The following LHFPL1 variants were observed in gnomAD, a reference collection of about 807,000 sequenced individuals.
LHFPL1 encodes LHFPL tetraspan subfamily member 1.
In LHFPL1, 4 loss-of-function variants were observed where a neutral mutation model predicts 12.1. The ratio of observed to expected loss-of-function variants is 0.33; its 90% CI spans 0.16 to 0.76. LHFPL1 has a LOEUF of 0.76. LHFPL1 is among the 30% of genes least tolerant of loss of function. LHFPL1 has a pLI of 0.61. For synonymous variants in LHFPL1, 52 were observed against 61.9 expected (o/e 0.84, Z 0.75); for missense variants, 141 against 174.1 (o/e 0.81, Z 1.07).
At chrX:112,652,672 T>C (rs1186395513) in intron 3 of LHFPL1, among the ~76,000 whole-genome samples, 3 of 111,847 alleles carry the variant, frequency 2.7e-5, no homozygotes, top group Non-Finnish European at 5.6e-5. Context: ...GGACATTCTA[T>C]GATTCTGTAT....
Position 112,671,089 on chromosome X carries a change from G to A in LHFPL1, c.302C>T (p.Ala101Val). The A allele has an allele frequency of 1.7e-6, 2 of 1,211,896 alleles. No individual in the cohort carries two copies. The highest frequency in any genetic ancestry group is 3.0e-5 in the East Asian group (1 of 33,855). Residue 101 changes from alanine (A) to valine (V), a missense_variant, in exon 2 of 4, where the codon GCT (alanine) becomes GTT (valine). Transcript: ENST00000371968. Reference sequence around the variant, plus strand: ...CTCCATGCAGCAACCCAGGACAGCAGCTAGTGCCACCAGGAGCAGCAGAGC... The same window carrying A: ...CTCCATGCAGCAACCCAGGACAGCAACTAGTGCCACCAGGAGCAGCAGAGC... ...GCALLLLVAL[A>V]AVLGCCMEEL... is the part of the protein sequence containing the mutation.
Position 112,631,540 on chromosome X carries a change from C to A in LHFPL1, c.543G>T (p.Leu181Phe), listed in dbSNP as rs998603267. The A allele has an allele frequency of 8.3e-7, 1 of 1,210,350 alleles. No individual in the cohort carries two copies. ...CAGGGAAAAM[L>F]ICTWLSCFAG... is the part of the protein sequence containing the mutation. Reference sequence around the variant, plus strand: ...CAAAGCAAGAGAGCCAGGTGCAGATCAACATGGCTGCAGCTGCTCCACCTC... The same window carrying A: ...CAAAGCAAGAGAGCCAGGTGCAGATAAACATGGCTGCAGCTGCTCCACCTC... Residue 181 changes from leucine (L) to phenylalanine (F), a missense_variant, in exon 4 of 4, where the codon TTG becomes TTT. Physicochemically the swap from Leu to Phe is conservative, Grantham distance 22. Coordinates refer to ENST00000371968, the MANE Select transcript of LHFPL1 (RefSeq NM_178175.4).
intron 3 of LHFPL1, among the ~76,000 whole-genome samples, chrX:112,650,859 G>T (rs1157942126): frequency 8.9e-6 from 1 of 112,178 alleles, no homozygotes; most frequent in Non-Finnish European, 1.9e-5. Flanking sequence ...TCAACAACAT[G>T]TGACTAGGAA....
chrX:112,673,195 G>A (rs990275976), intron 1 of LHFPL1, among the ~76,000 whole-genome samples: 1 of 111,663 alleles, frequency 9.0e-6, no homozygotes, highest in Admixed American at 9.5e-5. Context: ...TGATACATAT[G>A]TATTTTGTGC....
At chrX:112,643,378 CAAAAAAA>C (rs1164744066) in intron 3 of LHFPL1, among the ~76,000 whole-genome samples, 21 of 38,940 alleles carry the variant, frequency 5.4e-4, no homozygotes, top group African/African-American at 1.6e-3. Context: ...GACTCCGTCT[CAAAAAAA>C]AAAAAAAAAA....
At chrX:112,665,379 C>T (rs770193392) in intron 2 of LHFPL1, among the ~76,000 whole-genome samples, 9 of 110,924 alleles carry the variant, frequency 8.1e-5, no homozygotes, top group Non-Finnish European at 1.7e-4. Flanking sequence ...TTAGTAGAGA[C>T]GGGGTTTCAC....
chrX:112,671,459 T>C (rs747240801), intron 1 of LHFPL1, 55 bp from the exon 2 acceptor site: 6 of 1,203,355 alleles, frequency 5.0e-6, no homozygotes, highest in Non-Finnish European at 6.7e-6. Flanking sequence ...TAAGTTACCA[T>C]GTAGGCTCCA....
intron 1 of LHFPL1, among the ~76,000 whole-genome samples, chrX:112,673,149 T>C (rs1704171692): frequency 8.9e-6 from 1 of 111,867 alleles, no homozygotes; most frequent in Non-Finnish European, 1.9e-5. Context: ...ATTCTTAATA[T>C]AATGCTCTTT....
chrX:112,647,415 C>T (rs1391537082), intron 3 of LHFPL1, among the ~76,000 whole-genome samples: 2 of 109,585 alleles, frequency 1.8e-5, no homozygotes, highest in African/African-American at 3.3e-5. Context: ...AAAATTTTTG[C>T]AATCTATCCA....
intron 3 of LHFPL1, among the ~76,000 whole-genome samples, chrX:112,644,009 A>G (rs5929196): frequency 8.9e-6 from 1 of 111,887 alleles, no homozygotes; most frequent in Non-Finnish European, 1.9e-5. Flanking sequence ...TGATTCCCCC[A>G]CTGCCTGCTC....
chrX:112,651,793 C>A (rs1242443605), intron 3 of LHFPL1, among the ~76,000 whole-genome samples: 1 of 112,330 alleles, frequency 8.9e-6, no homozygotes, highest in African/African-American at 3.2e-5. Context: ...CATAGCCATT[C>A]TCTACAACAC....
intron 1 of LHFPL1, among the ~76,000 whole-genome samples, chrX:112,672,622 G>C (rs891981917): frequency 9.0e-6 from 1 of 110,809 alleles, no homozygotes; most frequent in Non-Finnish European, 1.9e-5. Context: ...GAAGGAGGTT[G>C]GGGGACCCAA....
rs775819980 is a variant in LHFPL1, at chrX:112,671,144, T to C, written c.247A>G (p.Met83Val). 1.6e-6 allele frequency: 2 copies of C among 1,212,220 alleles called. No individual in the cohort carries two copies. Among genetic ancestry groups the C allele is most frequent in the Non-Finnish European group, 2.2e-6 (2 of 895,575 alleles). The change falls in exon 2 of 4, where the codon ATG becomes GTG. Residue 83 changes from methionine (M) to valine (V), a missense_variant. By Grantham distance (21) the Met-to-Val change is conservative. Transcript: ENST00000371968. The part of the protein sequence containing the change: ...FNAIPSLAWQ[M>V]CTVVTGAGCA... Reference sequence around the variant, plus strand: ...CCGGCACCTGTCACCACTGTGCACATCTGCCAGGCCAGGCTTGGGATGGCA... The same window carrying C: ...CCGGCACCTGTCACCACTGTGCACACCTGCCAGGCCAGGCTTGGGATGGCA...
intron 3 of LHFPL1, among the ~76,000 whole-genome samples, chrX:112,632,628 G>A (rs1930222482): frequency 8.9e-6 from 1 of 111,806 alleles, no homozygotes; most frequent in African/African-American, 3.3e-5. Context: ...CCTGACTACA[G>A]TCAGTGGAGG....
chrX:112,656,240 T>C (rs1175711765), intron 3 of LHFPL1, among the ~76,000 whole-genome samples: 2 of 111,642 alleles, frequency 1.8e-5, no homozygotes, highest in Admixed American at 9.5e-5. Context: ...TGCATCATAT[T>C]GAAAGGATAA....
At chrX:112,640,813 C>CTG (rs10529066) in intron 3 of LHFPL1, among the ~76,000 whole-genome samples, 7,369 of 104,818 alleles carry the variant, frequency 0.07, 229 homozygotes, top group Middle Eastern at 0.13. Context: ...TAGATTCCAT[C>CTG]TGTGTGTGTG....
At chrX:112,655,205 T>G (rs1326767059) in intron 3 of LHFPL1, among the ~76,000 whole-genome samples, 1 of 112,058 alleles carries the variant, frequency 8.9e-6, no homozygotes, top group Non-Finnish European at 1.9e-5. Flanking sequence ...TGAAGCTAAT[T>G]AGAGTATTAA....
chrX:112,636,061 G>A (rs751235156), intron 3 of LHFPL1, among the ~76,000 whole-genome samples: 84 of 110,453 alleles, frequency 7.6e-4, no homozygotes, highest in Non-Finnish European at 1.4e-3. Context: ...GGCAGGGGGC[G>A]GTTTTCCTGT....
intron 1 of LHFPL1, 181 bp from the exon 2 acceptor site, chrX:112,671,585 C>T: frequency 1.0e-6 from 1 of 965,676 alleles, no homozygotes; most frequent in Admixed American, 3.7e-5. Flanking sequence ...TGGGATTTTG[C>T]TTTTCAGTAC....
Sources: allele counts gnomAD v4.1 joint callset (sites outside exome capture counted in the v4.1 genomes callset), GRCh38; gene constraint gnomAD v4.1.1; transcripts MANE v1.5; gene names NCBI Gene and HGNC (gene_info 2026-07-23, HGNC 2026-07-21).